LOXL2: variants seen among roughly 807,000 people sequenced by gnomAD.
The protein encoded by LOXL2 is lysyl oxidase homolog 2.
LOXL2 carries 70 observed loss-of-function variants against 93.0 expected under a neutral mutation model. That is an observed-to-expected ratio of 0.75 (90% confidence interval 0.62 to 0.92). The LOEUF (loss-of-function observed/expected upper bound fraction) is 0.92, where lower values mean the gene tolerates loss of function less well. Ranked by LOEUF, LOXL2 falls within the 40% of genes least tolerant of loss-of-function variation. LOXL2 has a pLI of 0.00. For synonymous variants in LOXL2, 438 were observed against 413.2 expected (o/e 1.06, Z -0.73); for missense variants, 973 against 1,054.9 (o/e 0.92, Z 1.08).
At chr8:23,394,965 A>G (rs1409843025) in intron 1 of LOXL2, among the ~76,000 whole-genome samples, 1 of 152,194 alleles carries the variant, frequency 6.6e-6, no homozygotes, top group Non-Finnish European at 1.5e-5. Context: ...GGTGAGGCTT[A>G]AAAACATTAG....
At chr8:23,401,960 T>C (rs1284729072) in intron 1 of LOXL2, among the ~76,000 whole-genome samples, 3 of 152,268 alleles carry the variant, frequency 2.0e-5, no homozygotes, top group Admixed American at 6.5e-5. Flanking sequence ...TAAGTCACTT[T>C]CTAACACAAA....
chr8:23,326,730 G>A (rs1473368923), intron 6 of LOXL2, among the ~76,000 whole-genome samples: 1 of 152,196 alleles, frequency 6.6e-6, no homozygotes, highest in Non-Finnish European at 1.5e-5. Context: ...CTGGGTGACT[G>A]AGTGAGACTC....
chr8:23,321,881 C>T (rs1251233636), intron 7 of LOXL2: 10 of 491,240 alleles, frequency 2.0e-5, no homozygotes, highest in Non-Finnish European at 3.3e-5. Flanking sequence ...GGTAACTCAC[C>T]TCAGATGTTA....
In LOXL2 at chr8:23,394,374, C is replaced by T. The variant is rs568212886; in HGVS notation, c.-84+9580G>A. Among the ~76,000 whole-genome samples, 8 of 129,524 alleles carry T rather than the reference C, an allele frequency of 6.2e-5. No individual in the cohort carries two copies. In the East Asian group the frequency reaches 1.9e-3, roughly 30 times the overall value. 85.0% of individuals were successfully genotyped at this position (129,524 alleles called of 152,430 possible). On this transcript the variant is annotated intron_variant, in intron 1 of 13. Transcript: ENST00000389131. ...TGCCACTGCACTATAGCCTAGGTGA[C>T]AGAGTGAGACTCTGTCTCAGAGAAA...
rs572408500 is a variant in LOXL2 at position 23,297,030 on chromosome 8, T to C, written c.*1013A>G. On this transcript the variant is annotated 3_prime_UTR_variant, in exon 14 of 14. Coordinates refer to ENST00000389131, the MANE Select transcript of LOXL2 (RefSeq NM_002318.3). The stretch of plus-strand genomic sequence containing the variant: ...TTGGAGTCTATTGAAGGAGGTGCCC[T>C]GGTGGCCACACTGGGCTGGAGGGGA... Among the ~76,000 whole-genome samples, 2 of 152,292 alleles carry C rather than the reference T, an allele frequency of 1.3e-5. No homozygotes were observed. The highest frequency in any genetic ancestry group is 4.1e-4 in the South Asian group (2 of 4,830).
At chr8:23,376,862 C>CATA (rs1804602969) in intron 1 of LOXL2, among the ~76,000 whole-genome samples, 1 of 152,088 alleles carries the variant, frequency 6.6e-6, no homozygotes, top group Non-Finnish European at 1.5e-5. Flanking sequence ...AGCAGTCTAT[C>CATA]AATTTTGTTG....
intron 1 of LOXL2, among the ~76,000 whole-genome samples, chr8:23,402,965 C>T (rs1407194084): frequency 2.0e-5 from 3 of 152,094 alleles, no homozygotes; most frequent in African/African-American, 2.4e-5. Context: ...CTCACACCCT[C>T]GCCCCGCTCC....
chr8:23,389,712 T>A (rs1443621960), intron 1 of LOXL2, among the ~76,000 whole-genome samples: 1 of 152,228 alleles, frequency 6.6e-6, no homozygotes, highest in Non-Finnish European at 1.5e-5. Flanking sequence ...CCTGATGTGA[T>A]GCTCATAACT....
intron 2 of LOXL2, chr8:23,363,209 A>C (rs1233071236): frequency 1.3e-5 from 2 of 152,190 alleles, no homozygotes; most frequent in Non-Finnish European, 2.9e-5. Context: ...GAGATTAGAA[A>C]ACCAAGGAAA....
At chr8:23,308,138 G>T (rs76245343) in intron 10 of LOXL2, among the ~76,000 whole-genome samples, 2,681 of 152,180 alleles carry the variant, frequency 0.018, 84 homozygotes, top group African/African-American at 0.061. Context: ...GAGAACGAAG[G>T]TTCCCTAGGC....
intron 10 of LOXL2, 64 bp from the exon 11 acceptor site, chr8:23,303,461 G>T: frequency 2.1e-6 from 2 of 951,464 alleles, no homozygotes; most frequent in Non-Finnish European, 3.4e-6. Flanking sequence ...GCAAGCAGAG[G>T]CCTGGCTGGC....
intron 2 of LOXL2, chr8:23,365,549 CCTCT>C (rs1804386324): frequency 6.6e-6 from 1 of 151,416 alleles, no homozygotes; most frequent in Non-Finnish European, 1.5e-5. Flanking sequence ...GTTTCTTTCT[CCTCT>C]CTTTGATGTT....
intron 5 of LOXL2, 199 bp from the exon 6 acceptor site, chr8:23,328,764 G>A (rs1803630099): frequency 1.6e-5 from 9 of 553,748 alleles, no homozygotes; most frequent in Non-Finnish European, 6.4e-6. Context: ...GTGTTGGGGT[G>A]TGGGAGCTTC....
chr8:23,338,774 T>C (rs370940080), intron 4 of LOXL2, among the ~76,000 whole-genome samples: 1 of 152,178 alleles, frequency 6.6e-6, no homozygotes. Context: ...GCAGCGCCCA[T>C]GGATATCCCT....
chr8:23,302,315 A>G, intron 11 of LOXL2, 152 bp from the exon 12 acceptor site: 1 of 873,696 alleles, frequency 1.1e-6, no homozygotes, highest in Non-Finnish European at 1.8e-6. Flanking sequence ...ATTTCAGTAG[A>G]ACCCCCCACT....
chr8:23,344,129 G>T (rs144054262), intron 3 of LOXL2, among the ~76,000 whole-genome samples: 1 of 152,166 alleles, frequency 6.6e-6, no homozygotes, highest in South Asian at 2.1e-4. Context: ...AAAGAGCTAC[G>T]CGGGCCTGAG....
rs1800187097 is a variant in LOXL2 at position 23,404,092 on chromosome 8, AAGCGTAGGT to A, written c.-231_-223del. On this transcript the variant is annotated 5_prime_UTR_variant, in exon 1 of 14. Transcript: ENST00000389131. ...CCGATGGCTGGAGAAAGCAAGCACC[AAGCGTAGGT>A]AGCCGCGCGCTGGAGTCGCGCGTTT... is the stretch of plus-strand genomic sequence containing the variant. The A allele has an allele frequency of 4.8e-6, 1 of 207,726 alleles. No individual in the cohort carries two copies. 12.9% of individuals were successfully genotyped at this position (207,726 alleles called of 1,614,324 possible). A position where few individuals can be genotyped will look rare whatever the true frequency, so the allele number is the denominator to read the frequency against.
At chr8:23,336,095 G>A (rs1193250794) in intron 4 of LOXL2, 2 of 152,288 alleles carry the variant, frequency 1.3e-5, no homozygotes, top group African/African-American at 4.8e-5. Context: ...CGCCCACACA[G>A]GGGCGGGAGA....
chr8:23,369,213 T>C (rs1804460161), intron 1 of LOXL2, among the ~76,000 whole-genome samples: 1 of 152,218 alleles, frequency 6.6e-6, no homozygotes, highest in Non-Finnish European at 1.5e-5. Flanking sequence ...CTTTGAGGGC[T>C]GCAATGCTAA....
Sources: allele counts gnomAD v4.1 joint callset (sites outside exome capture counted in the v4.1 genomes callset), GRCh38; gene constraint gnomAD v4.1.1; transcripts MANE v1.5; gene names NCBI Gene and HGNC (gene_info 2026-07-23, HGNC 2026-07-21).